NALF1: variants seen among roughly 807,000 people sequenced by gnomAD.
The protein encoded by NALF1 is NALCN channel auxiliary factor 1, also known as family with sequence similarity 155 member A.
Under a neutral mutation model 48.4 loss-of-function variants are expected in NALF1, and 3 were observed. The observed-to-expected ratio is 0.06, with a 90% CI of 0.03 to 0.16. The LOEUF (loss-of-function observed/expected upper bound fraction) is 0.16. Among genes scored for constraint, NALF1 ranks in the 10% least tolerant of loss-of-function variants. The pLI, the probability that NALF1 is intolerant of heterozygous loss-of-function variation, is 1.00. For missense variants in NALF1, 526 were observed against 571.5 expected, an observed-to-expected ratio of 0.92 and a Z score of 0.81; for synonymous variants, 262 against 245.7, an observed-to-expected ratio of 1.07 and a Z score of -0.62.
intron 1 of NALF1, among the ~76,000 whole-genome samples, chr13:107,287,732 G>A (rs1881526771): frequency 7.9e-6 from 1 of 126,824 alleles, no homozygotes; most frequent in Non-Finnish European, 1.6e-5. Context: ...TTGAGACAGA[G>A]TCTTGTTTTG....
chr13:107,835,075 AC>A (rs1879850507), intron 1 of NALF1, among the ~76,000 whole-genome samples: 1 of 152,160 alleles, frequency 6.6e-6, no homozygotes, highest in African/African-American at 2.4e-5. Context: ...ATATGCAATC[AC>A]GTATTGTCCA....
At chr13:107,475,557 G>A (rs10492716) in intron 1 of NALF1, among the ~76,000 whole-genome samples, 32,226 of 151,458 alleles carry the variant, frequency 0.21, 3,866 homozygotes, top group East Asian at 0.3. Flanking sequence ...AATGAGGGAG[G>A]ATGTTAATTA....
chr13:107,664,968 A>G (rs1468424914), intron 1 of NALF1, among the ~76,000 whole-genome samples: 2 of 103,722 alleles, frequency 1.9e-5, no homozygotes, highest in Non-Finnish European at 4.0e-5. Context: ...AATGATGGGA[A>G]AGTGAAACAA....
intron 1 of NALF1, among the ~76,000 whole-genome samples, chr13:107,328,085 T>G (rs1698149845): frequency 6.6e-6 from 1 of 152,034 alleles, no homozygotes. Context: ...CATGCTAGAC[T>G]AATTTTTGTA....
At chr13:107,592,763 A>G (rs1034448405) in intron 1 of NALF1, among the ~76,000 whole-genome samples, 2 of 151,914 alleles carry the variant, frequency 1.3e-5, no homozygotes, top group Middle Eastern at 3.2e-3. Context: ...TACATTTTAG[A>G]AAAACCTTCT....
rs1288728932 is a variant in NALF1, at chr13:107,292,980, G to GTTTTTCTTTTTC, written c.916-82237_916-82226dup. Among the ~76,000 whole-genome samples, 14 of 130,222 alleles carry GTTTTTCTTTTTC rather than the reference G, an allele frequency of 1.1e-4. 1 individual carries two copies. The highest frequency in any genetic ancestry group is 3.4e-4 in the African/African-American group (12 of 34,932). 85.4% of individuals were successfully genotyped at this position (130,222 alleles called of 152,430 possible). On this transcript the variant is annotated intron_variant, in intron 1 of 2. Coordinates refer to ENST00000375915, the MANE Select transcript of NALF1 (RefSeq NM_001080396.3). ...ATAGGCATTTTTCAGCTCCGTTATA[G>GTTTTTCTTTTTC]TTTTTCTTTTTCTTTTTTTTTTTTT...
At chr13:107,508,056 T>C (rs757406706) in intron 1 of NALF1, among the ~76,000 whole-genome samples, 13 of 152,198 alleles carry the variant, frequency 8.5e-5, no homozygotes, top group Non-Finnish European at 1.6e-4. Context: ...TACAAAAACA[T>C]TACATGACTT....
At chr13:107,336,371 A>G (rs61967178) in intron 1 of NALF1, among the ~76,000 whole-genome samples, 12,010 of 117,710 alleles carry the variant, frequency 0.1, 879 homozygotes, top group African/African-American at 0.26. Context: ...TGATGATGAT[A>G]ATAATAATAA....
chr13:107,732,147 T>C (rs1340752920), intron 1 of NALF1, among the ~76,000 whole-genome samples: 1 of 152,078 alleles, frequency 6.6e-6, no homozygotes, highest in Non-Finnish European at 1.5e-5. Flanking sequence ...TTTCATGAAG[T>C]TTCTCCAGAT....
At chr13:107,837,326 C>T (rs1879922983) in intron 1 of NALF1, among the ~76,000 whole-genome samples, 1 of 152,196 alleles carries the variant, frequency 6.6e-6, no homozygotes, top group Admixed American at 6.5e-5. Flanking sequence ...CATAGCAGTG[C>T]ATCTCAGATG....
chr13:107,464,825 A>G (rs1276851415), intron 1 of NALF1, among the ~76,000 whole-genome samples: 1 of 152,162 alleles, frequency 6.6e-6, no homozygotes, highest in Non-Finnish European at 1.5e-5. Flanking sequence ...CGGCGGCAAT[A>G]CAAATTTTTA....
At chr13:107,768,071 AAG>A (rs1877467203) in intron 1 of NALF1, among the ~76,000 whole-genome samples, 1 of 152,156 alleles carries the variant, frequency 6.6e-6, no homozygotes. Flanking sequence ...GCCCTCACTT[AAG>A]AGTCTTGTGT....
intron 1 of NALF1, among the ~76,000 whole-genome samples, chr13:107,236,724 TCTATCTATCTATC>T (rs2138830883): frequency 6.9e-6 from 1 of 145,766 alleles, no homozygotes; most frequent in South Asian, 2.1e-4. Flanking sequence ...TATCTATCTA[TCTATCTATCTATC>T]ATCTACAGTC....
rs560576341 is a variant in NALF1, at chr13:107,498,299, T to C, written c.916-287544A>G. On this transcript the variant is annotated intron_variant, in intron 1 of 2. Coordinates refer to ENST00000375915, the MANE Select transcript of NALF1 (RefSeq NM_001080396.3). Reference sequence around the variant, plus strand: ...AAAGTTCAAACATAGAGTCTTCTCATTGATAGGTCCATGACAGGCTAACTA... The same window carrying C: ...AAAGTTCAAACATAGAGTCTTCTCACTGATAGGTCCATGACAGGCTAACTA... 3.9e-5 allele frequency among the ~76,000 whole-genome samples: 6 copies of C among 152,198 alleles called. No individual in the cohort carries two copies. In the East Asian group the frequency reaches 5.8e-4, roughly 15 times the overall value.
At chr13:107,486,549 C>T (rs1178129950) in intron 1 of NALF1, among the ~76,000 whole-genome samples, 1 of 152,112 alleles carries the variant, frequency 6.6e-6, no homozygotes, top group African/African-American at 2.4e-5. Context: ...ATGCTAGACG[C>T]CCTCTTACGT....
chr13:107,680,915 G>T (rs1192700383), intron 1 of NALF1, among the ~76,000 whole-genome samples: 1 of 150,638 alleles, frequency 6.6e-6, no homozygotes, highest in Non-Finnish European at 1.5e-5. Context: ...GTGTGAGAGG[G>T]TGTATGAGAG....
intron 1 of NALF1, among the ~76,000 whole-genome samples, chr13:107,706,961 C>T (rs1461212931): frequency 9.5e-6 from 1 of 105,112 alleles, no homozygotes; most frequent in East Asian, 3.1e-4. Context: ...CTCGCTCTGT[C>T]GCCCAGGCTG....
chr13:107,709,954 T>G (rs1165978646), intron 1 of NALF1, among the ~76,000 whole-genome samples: 2 of 152,108 alleles, frequency 1.3e-5, no homozygotes, highest in African/African-American at 2.4e-5. Flanking sequence ...GAGCTCAATA[T>G]AAGTTTATGC....
chr13:107,358,530 A>C (rs1883003822), intron 1 of NALF1, among the ~76,000 whole-genome samples: 1 of 152,186 alleles, frequency 6.6e-6, no homozygotes, highest in Non-Finnish European at 1.5e-5. Context: ...TTGTGAAGCA[A>C]ATAGAACTGT....
Sources: allele counts gnomAD v4.1 joint callset (sites outside exome capture counted in the v4.1 genomes callset), GRCh38; gene constraint gnomAD v4.1.1; transcripts MANE v1.5; gene names NCBI Gene and HGNC (gene_info 2026-07-23, HGNC 2026-07-21).